PLCB4: variants seen among roughly 807,000 people sequenced by gnomAD.
PLCB4 encodes the protein 1-phosphatidylinositol 4,5-bisphosphate phosphodiesterase beta-4.
In PLCB4, 77 loss-of-function variants were observed where a neutral mutation model predicts 178.8. That is an observed-to-expected ratio of 0.43 (90% CI 0.36 to 0.52). The LOEUF (loss-of-function observed/expected upper bound fraction) is 0.52, where lower values mean the gene tolerates loss of function less well. Ranked by LOEUF, PLCB4 falls within the 20% of genes least tolerant of loss-of-function variation. The probability of loss-of-function intolerance (pLI) is 0.00; values close to 1 mark genes in which losing one functional copy is unlikely to be tolerated. For synonymous variants in PLCB4, 496 were observed against 490.8 expected, an observed-to-expected ratio of 1.01 and a Z score of -0.14; for missense variants, 1,024 against 1,453.4, an observed-to-expected ratio of 0.70 and a Z score of 4.80.
In PLCB4 at chr20:9,276,433, G is replaced by C. The variant is rs74321865; in HGVS notation, c.-15-31367G>C. On this transcript the variant is annotated intron_variant, in intron 3 of 39. Transcript: ENST00000378473. ...GGAGCCAGATGTGAGTCTCAGACGG[G>C]GAGGAATACCTGGATTTTACTGAGT... Among the ~76,000 whole-genome samples, 471 of 152,176 alleles carry C rather than the reference G, an allele frequency of 3.1e-3. 3 individuals are homozygous for C. The highest frequency in any genetic ancestry group is 0.01 in the African/African-American group (430 of 41,546).
intron 4 of PLCB4, among the ~76,000 whole-genome samples, chr20:9,318,946 G>A (rs540356462): frequency 2.6e-5 from 4 of 152,178 alleles, no homozygotes; most frequent in Admixed American, 6.5e-5. Flanking sequence ...TCTGTGGGCC[G>A]CAGGTGAACA....
chr20:9,198,582 C>G (rs1368135254), intron 2 of PLCB4, among the ~76,000 whole-genome samples: 1 of 152,188 alleles, frequency 6.6e-6, no homozygotes, highest in Non-Finnish European at 1.5e-5. Context: ...ATTTAGCTAG[C>G]TGCTTCAGTC....
chr20:9,173,655 T>A (rs905087728), intron 2 of PLCB4, among the ~76,000 whole-genome samples: 3 of 152,166 alleles, frequency 2.0e-5, no homozygotes, highest in Admixed American at 1.3e-4. Context: ...CTGAACTCTG[T>A]TTCTATTGTC....
At chr20:9,388,102 G>A (rs2148398336) in intron 15 of PLCB4, among the ~76,000 whole-genome samples, 1 of 152,268 alleles carries the variant, frequency 6.6e-6, no homozygotes, top group African/African-American at 2.4e-5. Context: ...GCTGGGCATG[G>A]TGGCACATGC....
chr20:9,476,675 A>G (rs768313710), intron 38 of PLCB4, 42 bp from the exon 39 acceptor site: 9 of 1,387,348 alleles, frequency 6.5e-6, no homozygotes, highest in Non-Finnish European at 9.2e-6. Context: ...TTCGTTTTGT[A>G]TGTATGACTC....
intron 2 of PLCB4, among the ~76,000 whole-genome samples, chr20:9,196,541 C>G (rs1170736226): frequency 6.6e-6 from 1 of 152,136 alleles, no homozygotes; most frequent in East Asian, 1.9e-4. Flanking sequence ...GTTCAGAATT[C>G]AGGCTATGGA....
rs550961330 is a variant in PLCB4, at chr20:9,260,813, G to A, written c.-16+43361G>A. ...TTTGTTCATTTTCTGTATTTTTCAAGTAAAAATCCCTTAAAGAAATAAAAT... is the reference window on the plus strand; with the variant it reads ...TTTGTTCATTTTCTGTATTTTTCAAATAAAAATCCCTTAAAGAAATAAAAT... On this transcript the variant is annotated intron_variant, in intron 3 of 39. Coordinates refer to ENST00000378473, the MANE Select transcript of PLCB4 (RefSeq NM_001377142.1). 2.0e-5 allele frequency among the ~76,000 whole-genome samples: 3 copies of A among 152,118 alleles called. No homozygotes were observed. In the South Asian group the frequency reaches 6.2e-4, roughly 32 times the overall value.
At chr20:9,323,704 C>T (rs533900416) in intron 4 of PLCB4, among the ~76,000 whole-genome samples, 3 of 152,268 alleles carry the variant, frequency 2.0e-5, no homozygotes, top group East Asian at 3.9e-4. Context: ...CCCCAGGAGT[C>T]CCCTCATTGG....
intron 2 of PLCB4, among the ~76,000 whole-genome samples, chr20:9,116,148 C>CGTGT (rs913318688): frequency 3.3e-5 from 5 of 150,490 alleles, no homozygotes; most frequent in African/African-American, 9.8e-5. Flanking sequence ...TGTGTGTGCG[C>CGTGT]GTGTGTGTGT....
In PLCB4 at chr20:9,363,139, C is replaced by T. The variant is rs554205735; in HGVS notation, c.449+164C>T. On this transcript the variant is annotated intron_variant, in intron 8 of 39. Coordinates refer to ENST00000378473, the MANE Select transcript of PLCB4 (RefSeq NM_001377142.1). ...ACACACACCTGTACTCTTCATACCA[C>T]GTAGAAAGGCATGCATGATAAACCC... Among the ~76,000 whole-genome samples, 127 of 152,276 alleles carry T rather than the reference C, an allele frequency of 8.3e-4. 2 individuals carry two copies. Among genetic ancestry groups the T allele is most frequent in the African/African-American group, 2.9e-3 (119 of 41,540 alleles).
At chr20:9,475,091 TG>T (rs2044457259) in intron 38 of PLCB4, among the ~76,000 whole-genome samples, 1 of 152,226 alleles carries the variant, frequency 6.6e-6, no homozygotes, top group African/African-American at 2.4e-5. Context: ...AAGGATGCCT[TG>T]GAGAAGGTTT....
intron 4 of PLCB4, among the ~76,000 whole-genome samples, chr20:9,328,930 GA>G (rs570139148): frequency 3.3e-5 from 5 of 152,214 alleles, no homozygotes; most frequent in Non-Finnish European, 7.3e-5. Context: ...GTGAAATGCA[GA>G]AAGTTTAATA....
chr20:9,175,360 C>T (rs567275603), intron 2 of PLCB4, among the ~76,000 whole-genome samples: 1 of 152,180 alleles, frequency 6.6e-6, no homozygotes, highest in Non-Finnish European at 1.5e-5. Flanking sequence ...CCAGGGATGT[C>T]ATTTCCAATA....
intron 4 of PLCB4, among the ~76,000 whole-genome samples, chr20:9,329,066 T>G (rs6056552): frequency 0.22 from 33,766 of 152,122 alleles, 4,861 homozygotes; most frequent in African/African-American, 0.4. Context: ...ATGCAGATGG[T>G]TATTCTAGCT....
At chr20:9,349,473 A>T (rs757200554) in intron 7 of PLCB4, among the ~76,000 whole-genome samples, 1 of 152,188 alleles carries the variant, frequency 6.6e-6, no homozygotes, top group Admixed American at 6.5e-5. Context: ...AATCCCCATG[A>T]TCTGTGAGGT....
intron 3 of PLCB4, among the ~76,000 whole-genome samples, chr20:9,273,700 G>GTGTGTGTT (rs2094426415): frequency 6.6e-6 from 1 of 151,692 alleles, no homozygotes; most frequent in Non-Finnish European, 1.5e-5. Flanking sequence ...GTGTGTGTGT[G>GTGTGTGTT]TGTGTGTGTG....
intron 2 of PLCB4, among the ~76,000 whole-genome samples, chr20:9,195,584 A>C (rs139307083): frequency 2.0e-5 from 3 of 152,260 alleles, no homozygotes; most frequent in Non-Finnish European, 2.9e-5. Flanking sequence ...TTAGACATCC[A>C]TCATCTCCTG....
chr20:9,464,301 G>A (rs2043611263), intron 35 of PLCB4, among the ~76,000 whole-genome samples: 1 of 152,186 alleles, frequency 6.6e-6, no homozygotes, highest in African/African-American at 2.4e-5. Flanking sequence ...GAAATTTATA[G>A]CACTAAATGC....
chr20:9,420,032 T>C (rs2040516855), intron 26 of PLCB4, 123 bp downstream of exon 26: 1 of 531,594 alleles, frequency 1.9e-6, no homozygotes, highest in Non-Finnish European at 3.3e-6. Context: ...TGACTTAAGA[T>C]TCCACCCCCT....
Sources: gnomAD v4.1 joint callset for allele counts (sites outside exome capture counted in the v4.1 genomes callset) on GRCh38, gnomAD v4.1.1 for gene constraint, MANE v1.5 for transcripts, NCBI Gene and HGNC (gene_info 2026-07-23, HGNC 2026-07-21) for gene names.